The following RBM28 variants were observed in gnomAD, a reference collection of about 807,000 sequenced individuals.
RBM28 encodes RNA-binding protein 28.
RBM28 carries 78 observed loss-of-function variants against 98.3 expected under a neutral mutation model. That is an observed-to-expected ratio of 0.79 (90% confidence interval 0.66 to 0.96). The LOEUF (loss-of-function observed/expected upper bound fraction) is 0.96, where lower values mean the gene tolerates loss of function less well. Among genes scored for constraint, RBM28 ranks in the 40% least tolerant of loss-of-function variants. The pLI is 0.00. For synonymous variants in RBM28, 306 were observed against 330.9 expected, an observed-to-expected ratio of 0.92 and a Z score of 0.82; for missense variants, 838 against 913.0, an observed-to-expected ratio of 0.92 and a Z score of 1.06.
At chr7:128,330,145 C>T (rs1796446226) in intron 10 of RBM28, among the ~76,000 whole-genome samples, 1 of 151,848 alleles carries the variant, frequency 6.6e-6, no homozygotes, top group African/African-American at 2.4e-5. Context: ...CAGCTTCTAC[C>T]TCTAACAAAA....
chr7:128,304,286 CATG>C lies in RBM28; in HGVS notation c.*6508_*6510del, dbSNP rs1795821579. 6.6e-6 allele frequency: 1 copy of C among 152,236 alleles called. No individual in the cohort carries two copies. The highest frequency in any genetic ancestry group is 2.4e-5 in the African/African-American group (1 of 41,514). The allele number at this position is 152,236 out of a possible 1,614,324, so 9.4% of individuals were successfully genotyped here. On this transcript the variant is annotated 3_prime_UTR_variant, in exon 19 of 19. Transcript: ENST00000223073. ...CTATCCAACCTGTTTGCAATTCAAC[CATG>C]ATATGACACAACCAGACTACAAATA... is the stretch of plus-strand genomic sequence containing the variant.
rs560437245 is a variant in RBM28 at position 128,315,001 on chromosome 7, G to T, written c.1808C>A (p.Pro603His). The T allele has an allele frequency of 2.1e-5, 34 of 1,614,102 alleles. 1 individual carries two copies. In the Admixed American group the frequency reaches 5.5e-4, roughly 26 times the overall value. ...CCCCTTCTGAGGCTCACCAGTTGCA[G>T]GCTTGGATCTCATTTTTTGCTGCAT... ...QRSLQKMRSK[P>H]ATGEPQKGQP... Residue 603 changes from proline (P) to histidine (H), a missense_variant, in exon 17 of 19, where the codon CCT becomes CAT. Pro to His is a moderately conservative substitution (Grantham distance 77, BLOSUM62 -2). Transcript: ENST00000223073.
rs536555166 is a variant in RBM28 at position 128,339,101 on chromosome 7, G to T, written c.372+126C>A. 28 of 916,320 alleles carry T rather than the reference G, an allele frequency of 3.1e-5. No homozygotes were observed. In the African/African-American group the frequency reaches 3.4e-4, roughly 11 times the overall value. 56.8% of individuals were successfully genotyped at this position (916,320 alleles called of 1,614,324 possible). On this transcript the variant is annotated intron_variant, in intron 3 of 18. Coordinates refer to ENST00000223073, the MANE Select transcript of RBM28 (RefSeq NM_018077.3). ...AGGCCCACTTTCTGAATTCAACAGGGGTAAGGTTGATTCCCAGAAGGAATT... is the reference window on the plus strand; with the variant it reads ...AGGCCCACTTTCTGAATTCAACAGGTGTAAGGTTGATTCCCAGAAGGAATT...
rs986867577 is a variant in RBM28, at chr7:128,300,646, C to A, written c.*10151G>T. The A allele has an allele frequency of 6.6e-6, 1 of 152,294 alleles. No homozygotes were observed. The highest frequency in any genetic ancestry group is 1.5e-5 in the Non-Finnish European group (1 of 68,070). 9.4% of individuals were successfully genotyped at this position (152,294 alleles called of 1,614,324 possible). A position where few individuals can be genotyped will look rare whatever the true frequency, so the allele number is the denominator to read the frequency against. ...TGCCTGGAAACAACTGTTATCAATA[C>A]TGTGCTATGTTTTAGTAAAGAGGGC... On this transcript the variant is annotated 3_prime_UTR_variant, in exon 19 of 19. Transcript: ENST00000223073.
At chr7:128,320,036 G>C (rs973526134) in intron 14 of RBM28, among the ~76,000 whole-genome samples, 1 of 152,042 alleles carries the variant, frequency 6.6e-6, no homozygotes, top group Non-Finnish European at 1.5e-5. Flanking sequence ...TGGCAACATG[G>C]TGAAACCCCG....
At position 128,303,787 on chromosome 7, in the gene RBM28, G is replaced by C. The variant is rs956338504; in HGVS notation, c.*7010C>G. The C allele has an allele frequency of 3.9e-5, 6 of 152,210 alleles. No individual in the cohort carries two copies. The highest frequency in any genetic ancestry group is 1.4e-4 in the African/African-American group (6 of 41,440). 9.4% of individuals were successfully genotyped at this position (152,210 alleles called of 1,614,324 possible). On this transcript the variant is annotated 3_prime_UTR_variant, in exon 19 of 19. Coordinates refer to ENST00000223073, the MANE Select transcript of RBM28 (RefSeq NM_018077.3). Reference sequence around the variant, plus strand: ...TAAGAAGCCATAAGAGAAAGGGCCAGGTCTCCATAGGTCATTATTCTTCCC... The same window carrying C: ...TAAGAAGCCATAAGAGAAAGGGCCACGTCTCCATAGGTCATTATTCTTCCC...
At chr7:128,321,144 C>T (rs1409221026) in intron 14 of RBM28, 122 bp downstream of exon 14, 42 of 1,365,756 alleles carry the variant, frequency 3.1e-5, no homozygotes, top group Non-Finnish European at 9.2e-6. Flanking sequence ...ACAGCCTGGG[C>T]AACAGAGTGA....
intron 18 of RBM28, among the ~76,000 whole-genome samples, chr7:128,312,247 C>T (rs547940391): frequency 2.0e-5 from 3 of 152,246 alleles, no homozygotes; most frequent in Non-Finnish European, 4.4e-5. Context: ...GGTGAAACCC[C>T]GTCTCTACTA....
intron 17 of RBM28, among the ~76,000 whole-genome samples, chr7:128,314,394 T>C (rs1232011653): frequency 2.0e-5 from 3 of 152,356 alleles, no homozygotes; most frequent in African/African-American, 7.2e-5. Flanking sequence ...AAAACCTTCA[T>C]TTATTTAACA....
chr7:128,323,254 G>C (rs1796274839), intron 13 of RBM28, among the ~76,000 whole-genome samples: 1 of 152,120 alleles, frequency 6.6e-6, no homozygotes, highest in South Asian at 2.1e-4. Flanking sequence ...GCATGATGTA[G>C]CAGCATGTGT....
intron 18 of RBM28, among the ~76,000 whole-genome samples, chr7:128,311,319 T>C (rs1795979573): frequency 6.6e-6 from 1 of 152,184 alleles, no homozygotes; most frequent in African/African-American, 2.4e-5. Flanking sequence ...TATACTATAG[T>C]ACGGTATACG....
rs989011649 is a variant in RBM28 at position 128,318,029 on chromosome 7, G to C, written c.1641C>G (p.Phe547Leu). The C allele has an allele frequency of 3.1e-6, 5 of 1,613,912 alleles. No homozygotes were observed. Among genetic ancestry groups the C allele is most frequent in the Non-Finnish European group, 4.2e-6 (5 of 1,179,886 alleles). ...CTTTCAGGGCATGCTCGTGCTCTTG[G>C]AACTCCGCAAAGGCGTAGCCCAGGG... ...GQSLGYAFAE[F>L]QEHEHALKAL... is the part of the protein sequence containing the mutation. The change falls in exon 15 of 19, where the codon TTC becomes TTG. Residue 547 changes from phenylalanine to leucine, a missense_variant. Phe to Leu is a conservative substitution (Grantham distance 22, BLOSUM62 0). Coordinates refer to ENST00000223073, the MANE Select transcript of RBM28 (RefSeq NM_018077.3).
rs1463154920 is a variant in RBM28 at position 128,306,003 on chromosome 7, G to A, written c.*4794C>T. ...CCTCAATCACCAATCACTAAGCATT[G>A]CCATGTACCAGGCCCAGGGGCTGGG... is the stretch of plus-strand genomic sequence containing the variant. On this transcript the variant is annotated 3_prime_UTR_variant, in exon 19 of 19. Transcript: ENST00000223073. 1.3e-5 allele frequency: 2 copies of A among 152,234 alleles called. No individual in the cohort carries two copies. The highest frequency in any genetic ancestry group is 4.8e-5 in the African/African-American group (2 of 41,454). The allele number at this position is 152,234 out of a possible 1,614,324, so 9.4% of individuals were successfully genotyped here. A position where few individuals can be genotyped will look rare whatever the true frequency, so the allele number is the denominator to read the frequency against.
intron 1 of RBM28, among the ~76,000 whole-genome samples, chr7:128,341,788 C>T (rs1215693846): frequency 1.3e-5 from 2 of 152,216 alleles, no homozygotes. Flanking sequence ...GAACCCAGTA[C>T]ATACATATAT....
intron 10 of RBM28, 28 bp from the exon 11 acceptor site, chr7:128,325,919 A>C (rs1796339967): frequency 6.4e-7 from 1 of 1,571,718 alleles, no homozygotes; most frequent in Non-Finnish European, 8.8e-7. Flanking sequence ...ATTCAGTGAG[A>C]TCCCAAACTC....
intron 14 of RBM28, among the ~76,000 whole-genome samples, chr7:128,321,039 G>A (rs1308461051): frequency 6.6e-5 from 10 of 152,206 alleles, no homozygotes; most frequent in East Asian, 3.8e-4. Context: ...GGTGGCGCAC[G>A]CCTATAGTCC....
At chr7:128,327,053 C>T (rs976609288) in intron 10 of RBM28, among the ~76,000 whole-genome samples, 5 of 151,852 alleles carry the variant, frequency 3.3e-5, no homozygotes, top group African/African-American at 1.2e-4. Flanking sequence ...GGGAGGATGA[C>T]CTGACCTCGG....
chr7:128,319,878 G>C (rs1796184835), intron 14 of RBM28, among the ~76,000 whole-genome samples: 2 of 152,128 alleles, frequency 1.3e-5, no homozygotes, highest in Admixed American at 1.3e-4. Flanking sequence ...TTTGCGACCA[G>C]CCTGGGCAAC....
chr7:128,310,664 G>T lies in RBM28; in HGVS notation c.*133C>A. ...AAAGTTCAGATGTACACAGTCCAGG[G>T]CACCTCCGAGCACAGTGGCAGTGCC... On this transcript the variant is annotated 3_prime_UTR_variant, in exon 19 of 19. Transcript: ENST00000223073. 3.4e-6 allele frequency: 4 copies of T among 1,177,508 alleles called. No individual in the cohort carries two copies. The South Asian group carries it at 4.9e-5, about 14-fold the overall frequency. 72.9% of individuals were successfully genotyped at this position (1,177,508 alleles called of 1,614,324 possible).
Sources: gnomAD v4.1 joint callset for allele counts (sites outside exome capture counted in the v4.1 genomes callset) on GRCh38, gnomAD v4.1.1 for gene constraint, MANE v1.5 for transcripts, NCBI Gene and HGNC (gene_info 2026-07-23, HGNC 2026-07-21) for gene names.